Variants in COL4A1 observed in about 807,000 individuals in gnomAD.
The protein encoded by COL4A1 is collagen alpha-1(IV) chain.
Under a neutral mutation model 216.6 loss-of-function variants are expected in COL4A1, and 40 were observed. That is an observed-to-expected ratio of 0.18 (90% CI 0.14 to 0.24). COL4A1 has a LOEUF of 0.24. Among genes scored for constraint, COL4A1 ranks in the 10% least tolerant of loss-of-function variants. The pLI is 1.00. For missense variants in COL4A1, 1,628 were observed against 2,196.8 expected (o/e 0.74, Z 5.18); for synonymous variants, 839 against 810.7 (o/e 1.03, Z -0.59).
In COL4A1 at chr13:110,275,597, T is replaced by C. The variant is rs181679885; in HGVS notation, c.84+31347A>G. The stretch of plus-strand genomic sequence containing the variant: ...TTATGTCCACACGAAACCCTGCACA[T>C]GGATGTTTACAGCAGCTTTATTCAT... On this transcript the variant is annotated intron_variant, in intron 1 of 51. Transcript: ENST00000375820. Among the ~76,000 whole-genome samples the C allele has an allele frequency of 1.2e-3, 181 of 152,324 alleles. 1 individual carries two copies. The highest frequency in any genetic ancestry group is 4.2e-3 in the African/African-American group (174 of 41,574).
At chr13:110,189,588 G>A (rs1878545347) in intron 24 of COL4A1, among the ~76,000 whole-genome samples, 1 of 152,158 alleles carries the variant, frequency 6.6e-6, no homozygotes, top group East Asian at 1.9e-4. Context: ...TCCCAGGAAA[G>A]GCAACAAATT....
In COL4A1 at chr13:110,207,654, A is replaced by T. The variant is rs939455122; in HGVS notation, c.694-165T>A. 3.9e-5 allele frequency among the ~76,000 whole-genome samples: 6 copies of T among 152,186 alleles called. No homozygotes were observed. The highest frequency in any genetic ancestry group is 3.3e-4 in the Admixed American group (5 of 15,286). On this transcript the variant is annotated intron_variant, in intron 12 of 51. Transcript: ENST00000375820. The surrounding 1 kb of genome is among the most constrained non-coding windows in gnomAD (Gnocchi z 4.4). The stretch of plus-strand genomic sequence containing the variant: ...TGCCTCTGCAGAAAATCAAATTTCA[A>T]TAGGAAGATGATACAACAAGTATCT...
At position 110,150,448 on chromosome 13, in the gene COL4A1, A is replaced by G; in HGVS notation, c.4929-4T>C. On this transcript the variant is annotated splice_region_variant and splice_polypyrimidine_tract_variant and intron_variant, in intron 51 of 51. Coordinates refer to ENST00000375820, the MANE Select transcript of COL4A1 (RefSeq NM_001845.6). ...CAAGGTGGACGGCGTAGGCTTCCTA[A>G]AACACGACACAGAGACAGACCATTG... The G allele has an allele frequency of 6.2e-7, 1 of 1,613,878 alleles. No homozygotes were observed. Among genetic ancestry groups the G allele is most frequent in the South Asian group, 1.1e-5 (1 of 91,062 alleles).
intron 50 of COL4A1, among the ~76,000 whole-genome samples, chr13:110,153,694 C>A (rs924874966): frequency 6.6e-6 from 1 of 152,200 alleles, no homozygotes; most frequent in African/African-American, 2.4e-5. Context: ...ATTGCAACAA[C>A]CTGTTAATCT....
At chr13:110,191,980 T>C (rs1048637089) in intron 24 of COL4A1, among the ~76,000 whole-genome samples, 1 of 152,036 alleles carries the variant, frequency 6.6e-6, no homozygotes, top group African/African-American at 2.4e-5. Context: ...GCCGAAAAAA[T>C]GTTGACCAGG....
At position 110,211,830 on chromosome 13, in the gene COL4A1, TAA is replaced by T; in HGVS notation, c.441+37_441+38del. 6.2e-7 allele frequency: 1 copy of T among 1,609,340 alleles called. No individual in the cohort carries two copies. The highest frequency in any genetic ancestry group is 8.5e-7 in the Non-Finnish European group (1 of 1,176,268). ...GGAATGAAAAGAGAGAAGTCATAACTAAAAGAAAGAAGTTCTGCCCTAAATAA... is the reference window on the plus strand; with the variant it reads ...GGAATGAAAAGAGAGAAGTCATAACTAAGAAAGAAGTTCTGCCCTAAATAA... On this transcript the variant is annotated intron_variant, in intron 7 of 51. Transcript: ENST00000375820. The surrounding 1 kb of genome is among the most constrained non-coding windows in gnomAD (Gnocchi z 4.3).
intron 26 of COL4A1, among the ~76,000 whole-genome samples, chr13:110,183,502 G>A (rs1878271826): frequency 1.3e-5 from 2 of 152,164 alleles, no homozygotes; most frequent in African/African-American, 4.8e-5. Context: ...AAATGACCAA[G>A]ATGTTTGTTG....
At chr13:110,185,610 C>T (rs1878366127) in intron 26 of COL4A1, among the ~76,000 whole-genome samples, 1 of 152,226 alleles carries the variant, frequency 6.6e-6, no homozygotes, top group Non-Finnish European at 1.5e-5. Context: ...TCTTCTCATT[C>T]CGGGATTTTC....
chr13:110,163,600 A>C (rs1040074177), intron 46 of COL4A1, 39 bp from the exon 47 acceptor site: 1 of 1,542,898 alleles, frequency 6.5e-7, no homozygotes, highest in Non-Finnish European at 8.9e-7. Flanking sequence ...CCTGTATGGC[A>C]GTAAGCTGTA....
chr13:110,272,928 C>T (rs1485019511), intron 1 of COL4A1, among the ~76,000 whole-genome samples: 5 of 152,222 alleles, frequency 3.3e-5, no homozygotes, highest in Admixed American at 6.5e-5. Flanking sequence ...GGCATCGCTC[C>T]TCTGTGCCAG....
intron 24 of COL4A1, chr13:110,191,286 T>C (rs942451814): frequency 6.0e-6 from 1 of 167,242 alleles, no homozygotes; most frequent in African/African-American, 2.4e-5. Flanking sequence ...GCAATATCTT[T>C]AAAAATTAAA....
Position 110,194,886 on chromosome 13 carries a change from G to A in COL4A1, c.1381+137C>T, listed in dbSNP as rs115494629. On this transcript the variant is annotated intron_variant, in intron 22 of 51. Coordinates refer to ENST00000375820, the MANE Select transcript of COL4A1 (RefSeq NM_001845.6). ...AAGATGCTTATTCTAGGAAGAGATT[G>A]TGAAGAGGGTTCCAAATAAAAGGAA... 6.9e-6 allele frequency: 5 copies of A among 729,812 alleles called. No homozygotes were observed. In the South Asian group the frequency reaches 7.6e-5, roughly 11 times the overall value. 45.2% of individuals were successfully genotyped at this position (729,812 alleles called of 1,614,324 possible). A position where few individuals can be genotyped will look rare whatever the true frequency, so the allele number is the denominator to read the frequency against.
rs749107113 is a variant in COL4A1 at position 110,155,382 on chromosome 13, C to T, written c.4656G>A (p.Glu1552=). 6.2e-7 allele frequency: 1 copy of T among 1,614,006 alleles called. No individual in the cohort carries two copies. The highest frequency in any genetic ancestry group is 1.1e-5 in the South Asian group (1 of 91,066). Residue 1552 remains glutamate (E), a synonymous_variant, in exon 50 of 52, where the codon GAG becomes GAA. Coordinates refer to ENST00000375820, the MANE Select transcript of COL4A1 (RefSeq NM_001845.6). ...RPFISRCAVC[E]APAMVMAVHS... Reference sequence around the variant, plus strand: ...GCACGGCCATCACCATGGCAGGCGCCTCACACACAGCACACCTGGAAGTGG... The same window carrying T: ...GCACGGCCATCACCATGGCAGGCGCTTCACACACAGCACACCTGGAAGTGG...
At position 110,183,117 on chromosome 13, in the gene COL4A1, C is replaced by T; in HGVS notation, c.1991-20G>A. On this transcript the variant is annotated intron_variant, in intron 27 of 51. Coordinates refer to ENST00000375820, the MANE Select transcript of COL4A1 (RefSeq NM_001845.6). Reference sequence around the variant, plus strand: ...GGTCTCCTGTGGTGAGAAAGACCAACAGTCAGCGTGAGAAAAACGTGAGGA... The same window carrying T: ...GGTCTCCTGTGGTGAGAAAGACCAATAGTCAGCGTGAGAAAAACGTGAGGA... 6.2e-7 allele frequency: 1 copy of T among 1,612,344 alleles called. No individual in the cohort carries two copies. Among genetic ancestry groups the T allele is most frequent in the South Asian group, 1.1e-5 (1 of 90,662 alleles).
At position 110,155,301 on chromosome 13, in the gene COL4A1, G is replaced by T. The variant is rs370674095; in HGVS notation, c.4737C>A (p.Ile1579=). The change falls in exon 50 of 52, where the codon ATC becomes ATA. Residue 1579 remains isoleucine, a synonymous_variant. Transcript: ENST00000375820. The part of the protein sequence containing the change: ...PCPSGWSSLW[I]GYSFVMHTSA... Reference sequence around the variant, plus strand: ...CACTTACCATCACAAAAGAGTAGCCGATCCACAGCGAGGACCACCCGCTGG... The same window carrying T: ...CACTTACCATCACAAAAGAGTAGCCTATCCACAGCGAGGACCACCCGCTGG... The T allele has an allele frequency of 2.5e-6, 4 of 1,613,644 alleles. No homozygotes were observed. Among genetic ancestry groups the T allele is most frequent in the Non-Finnish European group, 3.4e-6 (4 of 1,179,518 alleles).
At chr13:110,160,029 G>C (rs933602419) in intron 49 of COL4A1, among the ~76,000 whole-genome samples, 1 of 152,154 alleles carries the variant, frequency 6.6e-6, no homozygotes, top group African/African-American at 2.4e-5. Flanking sequence ...ACGGATGGCG[G>C]TGATGGTAAA....
At chr13:110,264,140 C>T (rs9559754) in intron 1 of COL4A1, among the ~76,000 whole-genome samples, 4,702 of 152,166 alleles carry the variant, frequency 0.031, 209 homozygotes, top group East Asian at 0.23. Flanking sequence ...GAAGGCTGAA[C>T]GGGGAGGAGG....
Position 110,302,613 on chromosome 13 carries a change from C to T in COL4A1, c.84+4331G>A, listed in dbSNP as rs572736113. ...GGACCAGGAGAACAATGGAGGGAAA[C>T]GAGGCTGGAACCAGCTCACTGTGTA... On this transcript the variant is annotated intron_variant, in intron 1 of 51. Coordinates refer to ENST00000375820, the MANE Select transcript of COL4A1 (RefSeq NM_001845.6). Among the ~76,000 whole-genome samples, 40 of 152,290 alleles carry T rather than the reference C, an allele frequency of 2.6e-4. No homozygotes were observed. In the South Asian group the frequency reaches 2.7e-3, roughly 10 times the overall value.
At chr13:110,305,063 A>G (rs1372472944) in intron 1 of COL4A1, among the ~76,000 whole-genome samples, 1 of 152,254 alleles carries the variant, frequency 6.6e-6, no homozygotes, top group African/African-American at 2.4e-5. Flanking sequence ...TTTTAAAATT[A>G]GGCAGATTCA....
Sources: gnomAD v4.1 joint callset for allele counts (sites outside exome capture counted in the v4.1 genomes callset) on GRCh38, gnomAD v4.1.1 for gene constraint, Gnocchi (gnomAD v3.1) non-coding constraint, MANE v1.5 for transcripts, NCBI Gene and HGNC (gene_info 2026-07-23, HGNC 2026-07-21) for gene names.